The following TRAPPC9 variants were observed in gnomAD, a reference collection of about 807,000 sequenced individuals.
TRAPPC9 encodes the protein trafficking protein particle complex subunit 9.
TRAPPC9 carries 83 observed loss-of-function variants against 124.0 expected under a neutral mutation model. The observed-to-expected ratio is 0.67, with a 90% CI of 0.56 to 0.80. The LOEUF (loss-of-function observed/expected upper bound fraction) is 0.80, where lower values mean the gene tolerates loss of function less well. Among genes scored for constraint, TRAPPC9 ranks in the 30% least tolerant of loss-of-function variants. TRAPPC9 has a pLI of 0.00. For missense variants in TRAPPC9, 1,302 were observed against 1,508.3 expected, an observed-to-expected ratio of 0.86 and a Z score of 2.27; for synonymous variants, 638 against 617.5, an observed-to-expected ratio of 1.03 and a Z score of -0.49.
intron 17 of TRAPPC9, among the ~76,000 whole-genome samples, chr8:140,160,692 G>T (rs1324230443): frequency 1.3e-5 from 2 of 152,122 alleles, no homozygotes; most frequent in African/African-American, 4.8e-5. Flanking sequence ...AATGCCTAAT[G>T]CAAATGATAA....
At chr8:140,404,745 AGCATGTGTGTACGT>A (rs1319230667) in intron 6 of TRAPPC9, among the ~76,000 whole-genome samples, 4 of 148,968 alleles carry the variant, frequency 2.7e-5, no homozygotes, top group Admixed American at 6.7e-5. Flanking sequence ...TGCACGCGTG[AGCATGTGTGTACGT>A]GCATGTGTGT....
intron 17 of TRAPPC9, among the ~76,000 whole-genome samples, chr8:140,200,375 C>A (rs947888268): frequency 6.6e-6 from 1 of 152,122 alleles, no homozygotes; most frequent in Non-Finnish European, 1.5e-5. Context: ...ATCCTCCCAG[C>A]CCCTGCCTCC....
At position 139,829,238 on chromosome 8, in the gene TRAPPC9, C is replaced by T. The variant is rs560683265; in HGVS notation, c.3055+56641G>A. On this transcript the variant is annotated intron_variant, in intron 21 of 22. Coordinates refer to ENST00000438773, the MANE Select transcript of TRAPPC9 (RefSeq NM_001160372.4). Reference sequence around the variant, plus strand: ...AAGTCTTTGCTCTCTCTTCGCTCTACGAACCAATCCCATCACTGCTTTGGT... The same window carrying T: ...AAGTCTTTGCTCTCTCTTCGCTCTATGAACCAATCCCATCACTGCTTTGGT... Among the ~76,000 whole-genome samples, 8 of 152,372 alleles carry T rather than the reference C, an allele frequency of 5.3e-5. No homozygotes were observed. The South Asian group carries it at 6.2e-4, about 12-fold the overall frequency.
chr8:140,056,515 T>C (rs1217890695), intron 17 of TRAPPC9, among the ~76,000 whole-genome samples: 1 of 151,694 alleles, frequency 6.6e-6, no homozygotes, highest in Non-Finnish European at 1.5e-5. Context: ...CTTATGCATA[T>C]AAAGTCAACT....
chr8:140,337,450 G>A (rs920449457), intron 9 of TRAPPC9, among the ~76,000 whole-genome samples: 1 of 152,200 alleles, frequency 6.6e-6, no homozygotes, highest in Non-Finnish European at 1.5e-5. Flanking sequence ...GGGTGAGTGA[G>A]AAAATTAATT....
intron 17 of TRAPPC9, among the ~76,000 whole-genome samples, chr8:140,036,422 C>T (rs901626400): frequency 3.3e-5 from 5 of 151,952 alleles, no homozygotes; most frequent in African/African-American, 1.2e-4. Flanking sequence ...AGCTGACCGA[C>T]GGTACGCTGA....
chr8:139,809,808 C>T (rs915747714), intron 21 of TRAPPC9, among the ~76,000 whole-genome samples: 1 of 152,152 alleles, frequency 6.6e-6, no homozygotes, highest in Non-Finnish European at 1.5e-5. Flanking sequence ...CGGCGGCCAC[C>T]ACCCTGCTGA....
intron 21 of TRAPPC9, among the ~76,000 whole-genome samples, chr8:139,847,877 C>CT (rs1368552146): frequency 6.6e-6 from 1 of 152,252 alleles, no homozygotes; most frequent in Non-Finnish European, 1.5e-5. Context: ...GCAACAGAAG[C>CT]TTAAAGACCC....
chr8:140,191,327 C>T (rs1353087871), intron 17 of TRAPPC9, among the ~76,000 whole-genome samples: 5 of 152,178 alleles, frequency 3.3e-5, no homozygotes, highest in Non-Finnish European at 7.4e-5. Flanking sequence ...GAAGTCAGGT[C>T]TGACTTTAAA....
At chr8:140,352,310 C>T (rs1363858101) in intron 9 of TRAPPC9, among the ~76,000 whole-genome samples, 4 of 152,146 alleles carry the variant, frequency 2.6e-5, no homozygotes, top group Admixed American at 6.5e-5. Flanking sequence ...TTTAGTAAGA[C>T]TTTTGGTTTC....
At chr8:139,812,469 A>G (rs897297118) in intron 21 of TRAPPC9, among the ~76,000 whole-genome samples, 1 of 152,208 alleles carries the variant, frequency 6.6e-6, no homozygotes, top group Non-Finnish European at 1.5e-5. Context: ...TTCAAGGTAA[A>G]TACCTAAGGA....
At chr8:140,238,297 T>A (rs1304984392) in intron 16 of TRAPPC9, 2 of 152,188 alleles carry the variant, frequency 1.3e-5, no homozygotes, top group Non-Finnish European at 2.9e-5. Flanking sequence ...TGAGTCAACC[T>A]CCCCACCTAC....
intron 21 of TRAPPC9, among the ~76,000 whole-genome samples, chr8:139,872,083 A>C (rs1238346852): frequency 9.2e-6 from 1 of 108,982 alleles, no homozygotes; most frequent in Non-Finnish European, 1.9e-5. Context: ...TTGGTGGGTA[A>C]ATGGTTGGAT....
intron 15 of TRAPPC9, among the ~76,000 whole-genome samples, chr8:140,256,377 A>G (rs564461863): frequency 6.6e-6 from 1 of 152,310 alleles, no homozygotes; most frequent in African/African-American, 2.4e-5. Flanking sequence ...CACATCATCA[A>G]TTGGGTCGCA....
chr8:139,901,428 C>T (rs921298359), intron 20 of TRAPPC9, among the ~76,000 whole-genome samples: 1 of 152,254 alleles, frequency 6.6e-6, no homozygotes, highest in African/African-American at 2.4e-5. Flanking sequence ...TCTTGCCGCT[C>T]TCATTTCAGT....
chr8:140,426,431 G>A (rs544976803), intron 5 of TRAPPC9, among the ~76,000 whole-genome samples, 184 bp downstream of exon 5: 3 of 152,250 alleles, frequency 2.0e-5, no homozygotes, highest in South Asian at 4.1e-4. Context: ...ATAAAGCAAC[G>A]GGGTGCCCAT....
chr8:139,796,157 A>AGAGGAGGAGGAG (rs576585599), intron 21 of TRAPPC9, among the ~76,000 whole-genome samples: 1 of 149,578 alleles, frequency 6.7e-6, no homozygotes, highest in African/African-American at 2.5e-5. Flanking sequence ...AGGAGGAGGA[A>AGAGGAGGAGGAG]GAGGAGGAGG....
intron 19 of TRAPPC9, among the ~76,000 whole-genome samples, chr8:139,949,376 C>T (rs1287215283): frequency 1.3e-5 from 2 of 152,144 alleles, no homozygotes; most frequent in Non-Finnish European, 2.9e-5. Context: ...TACCGTATGA[C>T]CCAACAATTT....
intron 17 of TRAPPC9, among the ~76,000 whole-genome samples, chr8:140,055,751 A>G (rs1842254967): frequency 1.3e-5 from 2 of 152,238 alleles, no homozygotes; most frequent in Non-Finnish European, 2.9e-5. Context: ...AAATTCACTT[A>G]TAATAACATA....
Sources: gnomAD v4.1 joint callset for allele counts (sites outside exome capture counted in the v4.1 genomes callset) on GRCh38, gnomAD v4.1.1 for gene constraint, MANE v1.5 for transcripts, NCBI Gene and HGNC (gene_info 2026-07-23, HGNC 2026-07-21) for gene names.